Variants in OSBPL9 observed in about 807,000 individuals in gnomAD.
OSBPL9 encodes oxysterol-binding protein-related protein 9.
OSBPL9 carries 40 observed loss-of-function variants against 106.6 expected under a neutral mutation model. That is an observed-to-expected ratio of 0.38 (90% CI 0.29 to 0.49). OSBPL9 has a LOEUF of 0.49. Among genes scored for constraint, OSBPL9 ranks in the 20% least tolerant of loss-of-function variants. The pLI is 0.97. For missense variants in OSBPL9, 609 were observed against 887.2 expected (o/e 0.69, Z 3.98); for synonymous variants, 269 against 295.4 (o/e 0.91, Z 0.92).
At chr1:51,614,423 G>C (rs190420558), upstream of OSBPL9, 9 of 152,184 alleles carry the variant, frequency 5.9e-5, no homozygotes, top group African/African-American at 2.2e-4. Context: ...TGAGTAGGTA[G>C]GACTACAGAT....
chr1:51,601,423 A>AT (rs1192896439), intron 2 of OSBPL9, among the ~76,000 whole-genome samples: 2 of 152,232 alleles, frequency 1.3e-5, no homozygotes, highest in African/African-American at 4.8e-5. Flanking sequence ...AACACTAGCT[A>AT]TTGGGAGGCA....
At chr1:51,763,296 G>A (rs957030720) in intron 11 of OSBPL9, among the ~76,000 whole-genome samples, 5 of 152,050 alleles carry the variant, frequency 3.3e-5, no homozygotes, top group South Asian at 4.2e-4. Flanking sequence ...GTGAGCCACC[G>A]CGCCCAGCCT....
chr1:51,664,297 C>T (rs2148744570), intron 2 of OSBPL9, among the ~76,000 whole-genome samples: 1 of 152,278 alleles, frequency 6.6e-6, no homozygotes, highest in African/African-American at 2.4e-5. Flanking sequence ...AGTGAACAAA[C>T]TACTGCTTCA....
intron 2 of OSBPL9, among the ~76,000 whole-genome samples, chr1:51,598,485 G>T (rs977837180): frequency 6.6e-6 from 1 of 152,224 alleles, no homozygotes; most frequent in Non-Finnish European, 1.5e-5. Flanking sequence ...GCTGTCCGCT[G>T]TATTGTAGGA....
chr1:51,738,952 C>T (rs573862745), intron 4 of OSBPL9, among the ~76,000 whole-genome samples: 1 of 152,058 alleles, frequency 6.6e-6, no homozygotes, highest in African/African-American at 2.4e-5. Flanking sequence ...ATGTATTACT[C>T]ATTTAATCTC....
At chr1:51,703,412 T>G (rs1657741061) in intron 3 of OSBPL9, among the ~76,000 whole-genome samples, 1 of 152,258 alleles carries the variant, frequency 6.6e-6, no homozygotes, top group Admixed American at 6.5e-5. Flanking sequence ...CAGTTGTGAA[T>G]GGGAGTTCAC....
intron 2 of OSBPL9, among the ~76,000 whole-genome samples, chr1:51,607,368 G>A (rs1643956208): frequency 6.6e-6 from 1 of 151,870 alleles, no homozygotes; most frequent in East Asian, 1.9e-4. Context: ...CACCATGTTG[G>A]CCAGGCTGAT....
chr1:51,754,021 C>G (rs1669820689), intron 8 of OSBPL9, among the ~76,000 whole-genome samples: 1 of 152,198 alleles, frequency 6.6e-6, no homozygotes, highest in African/African-American at 2.4e-5. Context: ...ACATCCCTCC[C>G]CTTACCCTTG....
In OSBPL9 at chr1:51,617,211, C is replaced by G. The variant is rs780264955; in HGVS notation, c.101C>G (p.Ser34Cys). 1.2e-6 allele frequency: 2 copies of G among 1,611,578 alleles called. No individual in the cohort carries two copies. The highest frequency in any genetic ancestry group is 1.7e-6 in the Non-Finnish European group (2 of 1,178,938). The change falls in exon 1 of 24, where the codon TCC becomes TGC. Residue 34 changes from serine (S) to cysteine (C), a missense_variant. Ser to Cys is a moderately radical substitution (Grantham distance 112). Around this residue, in one of 5 missense-constraint regions of OSBPL9, gnomAD observed 72 missense variants for 140.5 expected, o/e 0.51. Coordinates refer to ENST00000428468, the MANE Select transcript of OSBPL9 (RefSeq NM_024586.6). ...CTGGACTACAATGCAGGACTGCTCTCCTACTACACGGTGAGTCCTTGGAGG... is the reference window on the plus strand; with the variant it reads ...CTGGACTACAATGCAGGACTGCTCTGCTACTACACGGTGAGTCCTTGGAGG... Reference protein sequence around the residue: ...FVLDYNAGLLSYYTSKDKMMR... With the variant: ...FVLDYNAGLLCYYTSKDKMMR...
At chr1:51,574,928 T>C (rs1645174349), upstream of OSBPL9, among the ~76,000 whole-genome samples, 1 of 152,252 alleles carries the variant, frequency 6.6e-6, no homozygotes, top group Non-Finnish European at 1.5e-5. Context: ...AAGGAGATGC[T>C]GATAAATTTG....
chr1:51,619,085 A>G (rs952506803), intron 1 of OSBPL9, among the ~76,000 whole-genome samples: 3 of 152,214 alleles, frequency 2.0e-5, no homozygotes, highest in African/African-American at 4.8e-5. Flanking sequence ...AGGCAACTGA[A>G]TATTATGTCC....
rs1032429988 is a variant in OSBPL9, at chr1:51,788,847, T to TATC, written c.*1059_*1061dup. Among the ~76,000 whole-genome samples the TATC allele has an allele frequency of 1.7e-4, 25 of 148,412 alleles. No homozygotes were observed. In the South Asian group the frequency reaches 2.1e-3, roughly 12 times the overall value. ...AGGGAAATACAGAACTATATCTATC[T>TATC]ATCTATCTATCATCTTTTTTATTTA... On this transcript the variant is annotated 3_prime_UTR_variant, in exon 24 of 24. Transcript: ENST00000428468.
At chr1:51,547,650 C>A in the OSBPL9 span, among the ~76,000 whole-genome samples, 1 of 152,058 alleles carries the variant, frequency 6.6e-6, no homozygotes, top group Non-Finnish European at 1.5e-5. Context: ...TTGAAACCAG[C>A]CTGAGCAACA....
chr1:51,645,204 T>C (rs894744342), intron 1 of OSBPL9, among the ~76,000 whole-genome samples: 1 of 152,356 alleles, frequency 6.6e-6, no homozygotes, highest in African/African-American at 2.4e-5. Flanking sequence ...TATTCTGTTA[T>C]AGTAGCACAA....
chr1:51,565,509 C>CTA, the OSBPL9 span: 4 of 152,148 alleles, frequency 2.6e-5, no homozygotes, highest in Non-Finnish European at 5.9e-5. Flanking sequence ...TAAGGACTTC[C>CTA]TATATACCAG....
At chr1:51,613,743 T>G (rs1302490905), upstream of OSBPL9, among the ~76,000 whole-genome samples, 1 of 150,544 alleles carries the variant, frequency 6.6e-6, no homozygotes, top group Non-Finnish European at 1.5e-5. Flanking sequence ...TTCTTTTCTT[T>G]TTTTTTTTTT....
intron 1 of OSBPL9, among the ~76,000 whole-genome samples, chr1:51,633,280 G>A (rs1306502416): frequency 6.7e-6 from 1 of 150,182 alleles, no homozygotes; most frequent in African/African-American, 2.4e-5. Flanking sequence ...TATTATAAAA[G>A]TAAAATAAGG....
At chr1:51,645,397 A>G (rs936046069) in intron 1 of OSBPL9, among the ~76,000 whole-genome samples, 1 of 151,688 alleles carries the variant, frequency 6.6e-6, no homozygotes, top group East Asian at 1.9e-4. Flanking sequence ...CTATACCCCT[A>G]CCCAGATATA....
At chr1:51,610,190 TGG>T (rs555525034) in intron 2 of OSBPL9, among the ~76,000 whole-genome samples, 28 of 152,364 alleles carry the variant, frequency 1.8e-4, no homozygotes, top group Non-Finnish European at 3.5e-4. Flanking sequence ...TAGCTCTATC[TGG>T]GGGTGGGCAC....
Sources: allele counts gnomAD v4.1 joint callset (sites outside exome capture counted in the v4.1 genomes callset), GRCh38; gene constraint gnomAD v4.1.1; regional missense constraint gnomAD v4.1.1; transcripts MANE v1.5; gene names NCBI Gene and HGNC (gene_info 2026-07-23, HGNC 2026-07-21).